The following TMEM41A variants were observed in gnomAD, a reference collection of about 807,000 sequenced individuals.
TMEM41A encodes transmembrane protein 41A.
In TMEM41A, 20 loss-of-function variants were observed where a neutral mutation model predicts 25.7. The observed-to-expected ratio is 0.78, with a 90% CI of 0.55 to 1.13. TMEM41A has a LOEUF of 1.13. Ranked by LOEUF, TMEM41A falls within the 50% of genes most tolerant of loss-of-function variation. TMEM41A has a pLI of 0.00. For synonymous variants in TMEM41A, 133 were observed against 139.6 expected (o/e 0.95, Z 0.33); for missense variants, 299 against 314.3 (o/e 0.95, Z 0.37).
chr3:185,494,186 G>C (rs1034147770), intron 4 of TMEM41A: 5 of 154,638 alleles, frequency 3.2e-5, no homozygotes, highest in Non-Finnish European at 7.2e-5. Context: ...CAATTCCTAA[G>C]GCAGAACTTA....
chr3:185,498,879 C>A lies in TMEM41A; in HGVS notation c.83G>T (p.Gly28Val). Residue 28 changes from glycine (G) to valine (V), a missense_variant, in exon 1 of 5, where the codon GGG becomes GTG. Physicochemically the swap from Gly to Val is moderately radical, Grantham distance 109. Transcript: ENST00000421852. ...LYLLSTRLPR[G>V]RRLGSTEEAG... Reference sequence around the variant, plus strand: ...CTCCTCGGTGGAGCCCAGTCTCCGCCCGCGGGGCAGTCGCGTCGACAGCAA... The same window carrying A: ...CTCCTCGGTGGAGCCCAGTCTCCGCACGCGGGGCAGTCGCGTCGACAGCAA... The A allele has an allele frequency of 6.2e-7, 1 of 1,606,490 alleles. No homozygotes were observed. Among genetic ancestry groups the A allele is most frequent in the South Asian group, 1.1e-5 (1 of 89,578 alleles).
chr3:185,491,996 A>T (rs1306451045), intron 4 of TMEM41A, among the ~76,000 whole-genome samples: 1 of 152,130 alleles, frequency 6.6e-6, no homozygotes, highest in Non-Finnish European at 1.5e-5. Context: ...CAAATAATAC[A>T]TGCTACTATA....
intron 1 of TMEM41A, among the ~76,000 whole-genome samples, chr3:185,497,754 G>T (rs921446467): frequency 1.3e-5 from 2 of 152,126 alleles, no homozygotes; most frequent in South Asian, 4.1e-4. Context: ...CGGTATGTCC[G>T]ACACCCACAG....
At chr3:185,494,836 A>T (rs1397149448) in intron 3 of TMEM41A, 75 bp from the exon 4 acceptor site, 3 of 1,451,360 alleles carry the variant, frequency 2.1e-6, no homozygotes, top group Non-Finnish European at 2.8e-6. Flanking sequence ...GGTGCCAGGC[A>T]CTGTTCTAGA....
rs1360057096 is a variant in TMEM41A, at chr3:185,495,250, C to T, written c.339G>A (p.Ser113=). Residue 113 remains serine (S), a synonymous_variant, in exon 3 of 5, where the codon TCG becomes TCA. Transcript: ENST00000421852. ...LGLLLCCVLT[S]VGATCCYLLS... ...GCAGGTAGCAGCATGTGGCACCCAC[C>T]GAGGTCAACACACAGCACAGCAGAA... is the stretch of plus-strand genomic sequence containing the variant. The T allele has an allele frequency of 3.7e-6, 6 of 1,613,756 alleles. No homozygotes were observed. Among genetic ancestry groups the T allele is most frequent in the East Asian group, 2.2e-5 (1 of 44,886 alleles).
rs934273939 is a variant in TMEM41A at position 185,490,703 on chromosome 3, T to C, written c.*834A>G. 1.3e-5 allele frequency: 2 copies of C among 152,100 alleles called. No individual in the cohort carries two copies. The highest frequency in any genetic ancestry group is 6.5e-5 in the Admixed American group (1 of 15,268). 9.4% of individuals were successfully genotyped at this position (152,100 alleles called of 1,614,324 possible). A position where few individuals can be genotyped will look rare whatever the true frequency, so the allele number is the denominator to read the frequency against. On this transcript the variant is annotated 3_prime_UTR_variant, in exon 5 of 5. Transcript: ENST00000421852. ...TTGTTTCACTTGGCTTATGAAGAGG[T>C]AGGTCATCAGCAAAGAAGTACAAAA... is the stretch of plus-strand genomic sequence containing the variant.
At chr3:185,495,398 C>T in intron 2 of TMEM41A, 83 bp from the exon 3 acceptor site, 1 of 1,353,582 alleles carries the variant, frequency 7.4e-7, no homozygotes, top group Non-Finnish European at 1.0e-6. Flanking sequence ...GTCATAGGTT[C>T]CCTCCTCCTT....
chr3:185,498,566 C>A, intron 1 of TMEM41A: 1 of 344,470 alleles, frequency 2.9e-6, no homozygotes, highest in Non-Finnish European at 5.3e-6. Flanking sequence ...GGCAAATCCA[C>A]CCAACCAAAG....
At position 185,495,204 on chromosome 3, in the gene TMEM41A, G is replaced by C. The variant is rs1719067158; in HGVS notation, c.385C>G (p.Gln129Glu). The change falls in exon 3 of 5, where the codon CAG becomes GAG. Residue 129 changes from glutamine (Q) to glutamate (E), a missense_variant. By Grantham distance (29) the Gln-to-Glu change is conservative (BLOSUM62 2). Transcript: ENST00000421852. The part of the protein sequence containing the change: ...CYLLSSIFGK[Q>E]LVVSYFPDKV... ...TCAGGAAAGTAGGACACCACCAACT[G>C]TTTGCCAAAAATACTGGAGAGCAGG... is the stretch of plus-strand genomic sequence containing the variant. 4.3e-6 allele frequency: 7 copies of C among 1,613,614 alleles called. No homozygotes were observed. The East Asian group carries it at 6.7e-5, about 15-fold the overall frequency.
chr3:185,491,883 AT>A (rs1374613273), intron 4 of TMEM41A, 126 bp from the exon 5 acceptor site: 2 of 619,456 alleles, frequency 3.2e-6, no homozygotes. Context: ...CCTTATACAT[AT>A]TAACTCTTTC....
intron 2 of TMEM41A, 84 bp downstream of exon 2, chr3:185,496,742 CCA>C (rs1719112013): frequency 6.6e-7 from 1 of 1,505,490 alleles, no homozygotes; most frequent in Non-Finnish European, 9.0e-7. Context: ...TTAATCATCC[CCA>C]CACAACAATC....
Position 185,498,877 on chromosome 3 carries a change from GC to G in TMEM41A, c.84del (p.Arg29GlyfsTer63), listed in dbSNP as rs1375300858. The G allele has an allele frequency of 6.2e-7, 1 of 1,605,860 alleles. No homozygotes were observed. The highest frequency in any genetic ancestry group is 1.7e-5 in the Admixed American group (1 of 59,268). On this transcript the variant is annotated frameshift_variant, in exon 1 of 5. Transcript: ENST00000421852. LOFTEE classifies it high-confidence loss of function. ...GCCTCCTCGGTGGAGCCCAGTCTCCGCCCGCGGGGCAGTCGCGTCGACAGCA... is the reference window on the plus strand; with the variant it reads ...GCCTCCTCGGTGGAGCCCAGTCTCCGCCGCGGGGCAGTCGCGTCGACAGCA... ...LYLLSTRLPR[G>X]RRLGSTEEAG...
intron 2 of TMEM41A, chr3:185,495,567 A>G: frequency 1.9e-6 from 1 of 527,052 alleles, no homozygotes; most frequent in East Asian, 3.2e-5. Flanking sequence ...CAGCCTCCCA[A>G]GCAGCTAGGA....
intron 1 of TMEM41A, chr3:185,498,532 C>T: frequency 3.6e-6 from 1 of 280,988 alleles, no homozygotes; most frequent in Non-Finnish European, 6.7e-6. Context: ...ACGGCGCGGG[C>T]AGGCTCAGCG....
At chr3:185,495,017 C>T in intron 3 of TMEM41A, 137 bp downstream of exon 3, 1 of 1,121,474 alleles carries the variant, frequency 8.9e-7, no homozygotes, top group Non-Finnish European at 1.3e-6. Flanking sequence ...CTCCTGAAGA[C>T]ATCAAAAGAA....
At chr3:185,494,324 C>T (rs1719037108) in intron 4 of TMEM41A, 2 of 268,596 alleles carry the variant, frequency 7.4e-6, no homozygotes, top group Non-Finnish European at 1.4e-5. Flanking sequence ...TTACTGAGTA[C>T]TTACTATGGG....
intron 4 of TMEM41A, 177 bp downstream of exon 4, chr3:185,494,446 G>T: frequency 2.8e-6 from 2 of 716,978 alleles, no homozygotes; most frequent in Non-Finnish European, 4.2e-6. Flanking sequence ...GGGTTTTCAT[G>T]TTGAAGCCTG....
chr3:185,497,029 G>C, intron 1 of TMEM41A, 48 bp from the exon 2 acceptor site: 3 of 1,550,034 alleles, frequency 1.9e-6, no homozygotes, highest in Middle Eastern at 4.6e-4. Context: ...GATCAGTCCA[G>C]TGCCCATGAA....
In TMEM41A at chr3:185,498,937, G is replaced by A. The variant is rs775392896; in HGVS notation, c.25C>T (p.Leu9=). The A allele has an allele frequency of 3.2e-5, 52 of 1,603,002 alleles. No individual in the cohort carries two copies. The highest frequency in any genetic ancestry group is 4.1e-5 in the Non-Finnish European group (48 of 1,175,706). Residue 9 remains leucine (L), a synonymous_variant, in exon 1 of 5, where the codon CTG becomes TTG. Coordinates refer to ENST00000421852, the MANE Select transcript of TMEM41A (RefSeq NM_080652.4). ...GCGAAGGTGCAGCCGGCGAAGACCA[G>A]AAGGAGGCCGAGAAGCGGGCGCATG... MRPLLGLL[L]VFAGCTFALY...
Sources: allele counts gnomAD v4.1 joint callset (sites outside exome capture counted in the v4.1 genomes callset), GRCh38; gene constraint gnomAD v4.1.1; transcripts MANE v1.5; gene names NCBI Gene and HGNC (gene_info 2026-07-23, HGNC 2026-07-21).